The following CAMTA1 variants were observed in gnomAD, a reference collection of about 807,000 sequenced individuals.
CAMTA1 encodes the protein calmodulin binding transcription activator 1, also known as calmodulin-binding transcription activator 1.
CAMTA1 carries 27 observed loss-of-function variants against 170.9 expected under a neutral mutation model. The observed-to-expected ratio is 0.16, with a 90% CI of 0.12 to 0.22. CAMTA1 has a LOEUF of 0.22. Among genes scored for constraint, CAMTA1 ranks in the 10% least tolerant of loss-of-function variants. The probability of loss-of-function intolerance (pLI) is 1.00; values close to 1 mark genes in which losing one functional copy is unlikely to be tolerated. For synonymous variants in CAMTA1, 833 were observed against 891.5 expected, an observed-to-expected ratio of 0.93 and a Z score of 1.17; for missense variants, 1,619 against 2,217.2, an observed-to-expected ratio of 0.73 and a Z score of 5.42.
intron 3 of CAMTA1, among the ~76,000 whole-genome samples, chr1:6,988,936 G>A (rs1695855580): frequency 6.6e-6 from 1 of 152,206 alleles, no homozygotes. Context: ...GAGCCAATCC[G>A]AGGCAGAGAC....
At chr1:7,402,098 C>G (rs1034735048) in intron 5 of CAMTA1, among the ~76,000 whole-genome samples, 5 of 152,208 alleles carry the variant, frequency 3.3e-5, no homozygotes, top group African/African-American at 1.2e-4. Context: ...TGTCAGCACT[C>G]TGACATGAAT....
chr1:7,386,985 T>C (rs765809552), intron 5 of CAMTA1, among the ~76,000 whole-genome samples: 5 of 152,128 alleles, frequency 3.3e-5, no homozygotes, highest in Non-Finnish European at 7.4e-5. Flanking sequence ...CTTATGTTCC[T>C]AACTGTTTGG....
chr1:6,921,687 A>AGGCAAGGAGGAGCAAGTCACATCTTACAT (rs1456988597), intron 3 of CAMTA1, among the ~76,000 whole-genome samples: 12 of 152,232 alleles, frequency 7.9e-5, no homozygotes, highest in Non-Finnish European at 5.9e-5. Flanking sequence ...TCATGGTGGA[A>AGGCAAGGAGGAGCAAGTCACATCTTACAT]GGCAAGGAGG....
chr1:7,141,221 A>C (rs1645869517), intron 4 of CAMTA1, among the ~76,000 whole-genome samples: 2 of 152,110 alleles, frequency 1.3e-5, no homozygotes, highest in Non-Finnish European at 2.9e-5. Context: ...GCAAAGGTGA[A>C]AAGGTGATAC....
chr1:7,446,005 C>T (rs1003050621), intron 5 of CAMTA1, among the ~76,000 whole-genome samples: 1 of 152,168 alleles, frequency 6.6e-6, no homozygotes, highest in African/African-American at 2.4e-5. Context: ...AGGCCTCCCT[C>T]CTCACCTGAT....
intron 4 of CAMTA1, among the ~76,000 whole-genome samples, chr1:7,145,754 C>G (rs991597475): frequency 6.6e-6 from 1 of 152,352 alleles, no homozygotes; most frequent in South Asian, 2.1e-4. Context: ...TCATCCGTGT[C>G]TCCCGAAAGC....
chr1:7,335,800 G>A (rs926104220), intron 5 of CAMTA1, among the ~76,000 whole-genome samples: 1 of 149,146 alleles, frequency 6.7e-6, no homozygotes, highest in South Asian at 2.1e-4. Flanking sequence ...CAAAAACCAA[G>A]ACCTCTGCAA....
intron 3 of CAMTA1, among the ~76,000 whole-genome samples, chr1:6,997,661 T>A (rs201579414): frequency 7.6e-6 from 1 of 132,036 alleles, no homozygotes; most frequent in African/African-American, 2.8e-5. Context: ...CTTTTCTTTC[T>A]TTTTTTTTTT....
At chr1:7,045,843 A>C (rs1247925948) in intron 3 of CAMTA1, among the ~76,000 whole-genome samples, 1 of 152,274 alleles carries the variant, frequency 6.6e-6, no homozygotes. Context: ...TTTCCATTAA[A>C]AAATGCAAAT....
intron 3 of CAMTA1, among the ~76,000 whole-genome samples, chr1:6,859,556 G>A (rs543028054): frequency 6.6e-5 from 10 of 152,262 alleles, no homozygotes; most frequent in African/African-American, 1.9e-4. Context: ...TGAAAGGTCT[G>A]GGCAGAAGGA....
intron 4 of CAMTA1, among the ~76,000 whole-genome samples, chr1:7,152,750 G>T (rs369528594): frequency 3.3e-5 from 5 of 152,200 alleles, no homozygotes; most frequent in African/African-American, 1.2e-4. Context: ...GGGCAGGCTC[G>T]GGGAGAACCC....
chr1:7,091,040 C>T (rs982333483), intron 3 of CAMTA1, among the ~76,000 whole-genome samples: 2 of 152,142 alleles, frequency 1.3e-5, no homozygotes, highest in Non-Finnish European at 1.5e-5. Flanking sequence ...TGATGTCTTC[C>T]TGCCACAGAG....
intron 3 of CAMTA1, among the ~76,000 whole-genome samples, chr1:6,926,538 T>C (rs982719810): frequency 7.3e-6 from 1 of 137,484 alleles, no homozygotes; most frequent in African/African-American, 2.7e-5. Context: ...CTCTCTCTCT[T>C]TCTTTCCTTC....
chr1:7,281,802 T>C (rs1181720117), intron 5 of CAMTA1, among the ~76,000 whole-genome samples: 1 of 35,568 alleles, frequency 2.8e-5, no homozygotes, highest in Admixed American at 4.3e-4. Flanking sequence ...AAAGAAATTG[T>C]GTGTGTGTGT....
chr1:7,594,770 AG>A (rs1275362236), intron 6 of CAMTA1, among the ~76,000 whole-genome samples: 2 of 152,258 alleles, frequency 1.3e-5, no homozygotes, highest in African/African-American at 4.8e-5. Flanking sequence ...ACATGGATTC[AG>A]AGCTTGAAGA....
At chr1:7,446,226 G>A (rs1057332850) in intron 5 of CAMTA1, among the ~76,000 whole-genome samples, 1 of 149,866 alleles carries the variant, frequency 6.7e-6, no homozygotes, top group Non-Finnish European at 1.5e-5. Context: ...CCTAGAGGAA[G>A]TGAAAATGTA....
chr1:7,338,369 G>A lies in CAMTA1; in HGVS notation c.438+88743G>A, dbSNP rs149723361. Among the ~76,000 whole-genome samples the A allele has an allele frequency of 5.1e-3, 780 of 152,260 alleles. 5 individuals are homozygous for A. Among genetic ancestry groups the A allele is most frequent in the African/African-American group, 0.017 (689 of 41,530 alleles). ...GGGCCGGGACACGGCTGGCACAAAGGGATTGGCCTAGTTCTGGAGGGTTTG... is the reference window on the plus strand; with the variant it reads ...GGGCCGGGACACGGCTGGCACAAAGAGATTGGCCTAGTTCTGGAGGGTTTG... On this transcript the variant is annotated intron_variant, in intron 5 of 22. Transcript: ENST00000303635.
intron 3 of CAMTA1, among the ~76,000 whole-genome samples, chr1:6,949,585 C>T (rs1371452483): frequency 6.6e-6 from 1 of 152,310 alleles, no homozygotes; most frequent in East Asian, 1.9e-4. Context: ...CCCATCCAAT[C>T]CCCCTTCAGA....
intron 22 of CAMTA1, 72 bp from the exon 23 acceptor site, chr1:7,766,387 A>ATT: frequency 7.0e-7 from 1 of 1,436,628 alleles, no homozygotes; most frequent in South Asian, 1.2e-5. Context: ...GAGTGGTAAT[A>ATT]CCCCTTTCCT....
Sources: gnomAD v4.1 joint callset for allele counts (sites outside exome capture counted in the v4.1 genomes callset) on GRCh38, gnomAD v4.1.1 for gene constraint, MANE v1.5 for transcripts, NCBI Gene and HGNC (gene_info 2026-07-23, HGNC 2026-07-21) for gene names.